Variants in CHD4 observed in about 807,000 individuals in gnomAD.
CHD4 encodes chromodomain helicase DNA binding protein 4.
In CHD4, 35 loss-of-function variants were observed where a neutral mutation model predicts 235.5. That is an observed-to-expected ratio of 0.15 (90% CI 0.11 to 0.20). The LOEUF (loss-of-function observed/expected upper bound fraction) is 0.20, where lower values mean the gene tolerates loss of function less well. Among genes scored for constraint, CHD4 ranks in the 10% least tolerant of loss-of-function variants. The pLI, the probability that CHD4 is intolerant of heterozygous loss-of-function variation, is 1.00. For synonymous variants in CHD4, 900 were observed against 850.2 expected (o/e 1.06, Z -1.02); for missense variants, 1,329 against 2,432.3 (o/e 0.55, Z 9.54).
chr12:6,598,366 T>C lies in CHD4; in HGVS notation c.1542A>G (p.Pro514=), dbSNP rs761855550. The stretch of plus-strand genomic sequence containing the variant: ...GAGGCCGAGGCACTGGTGTGGGAGA[T>C]GGTGGCTGACCCCACTTCCAGATTA... ...KILIWKWGQP[P]SPTPVPRPPD... Residue 514 remains proline, a synonymous_variant, in exon 11 of 40, where the codon CCA becomes CCG. Transcript: ENST00000544040. 2.5e-6 allele frequency: 4 copies of C among 1,613,814 alleles called. No homozygotes were observed. In the South Asian group the frequency reaches 3.3e-5, roughly 13 times the overall value.
intron 25 of CHD4, chr12:6,584,372 G>C (rs1467747099): frequency 6.6e-6 from 1 of 152,152 alleles, no homozygotes; most frequent in Non-Finnish European, 1.5e-5. Context: ...GGACAGGAGA[G>C]AAAAGAGATA....
intron 15 of CHD4, 63 bp downstream of exon 15, chr12:6,594,396 G>GT (rs775097214): frequency 4.1e-5 from 61 of 1,475,750 alleles, no homozygotes; most frequent in Middle Eastern, 1.8e-4. Context: ...TCTACTCAGT[G>GT]TAAGTTAAGG....
Position 6,581,313 on chromosome 12 carries a change from G to A in CHD4, c.4757C>T (p.Thr1586Ile). Reference protein sequence around the residue: ...SIEGEKEVKSTAPETAIECTQ... With the variant: ...SIEGEKEVKSIAPETAIECTQ... ...TACCTCAATGGCAGTCTCAGGGGCT[G>A]TAGATTTAACCTCCTTTTCTCCTTC... The change falls in exon 32 of 40, where the codon ACA becomes ATA. Residue 1586 changes from threonine to isoleucine, a missense_variant. Coordinates refer to ENST00000544040, the MANE Select transcript of CHD4 (RefSeq NM_001273.5). 6.2e-7 allele frequency: 1 copy of A among 1,614,176 alleles called. No individual in the cohort carries two copies. Among genetic ancestry groups the A allele is most frequent in the Non-Finnish European group, 8.5e-7 (1 of 1,180,020 alleles).
chr12:6,601,390 G>A lies in CHD4; in HGVS notation c.698C>T (p.Ala233Val), dbSNP rs1169134011. The A allele has an allele frequency of 2.5e-6, 4 of 1,614,128 alleles. No individual in the cohort carries two copies. The Admixed American group carries it at 5.0e-5, about 20-fold the overall frequency. Residue 233 changes from alanine to valine, a missense_variant, in exon 6 of 40, where the codon GCG becomes GTG. Ala to Val is a moderately conservative substitution (Grantham distance 64, BLOSUM62 0). Around this residue, in one of 26 missense-constraint regions of CHD4, gnomAD observed 160 missense variants for 196.6 expected, o/e 0.81. Transcript: ENST00000544040. The part of the protein sequence containing the change: ...GASVAAAAAA[A>V]VAVVESMVTA... ...CACCATGCTCTCCACCACAGCTACC[G>A]CTGCTGCTGCCGCAGCTGCCACTGA... is the stretch of plus-strand genomic sequence containing the variant.
chr12:6,581,492 TAAG>T, intron 31 of CHD4, 104 bp from the exon 32 acceptor site: 1 of 1,517,290 alleles, frequency 6.6e-7, no homozygotes, highest in Non-Finnish European at 9.2e-7. Context: ...CTCGTGCCTT[TAAG>T]AGCCAGCCCT....
chr12:6,588,528 A>G, intron 22 of CHD4, 106 bp from the exon 23 acceptor site: 2 of 1,285,100 alleles, frequency 1.6e-6, no homozygotes, highest in Non-Finnish European at 2.1e-6. Context: ...CTGTAATCTC[A>G]GCACTTTGGG....
chr12:6,581,185 A>G lies in CHD4; in HGVS notation c.4780-12T>C, dbSNP rs767926188. On this transcript the variant is annotated splice_polypyrimidine_tract_variant and intron_variant, in intron 32 of 39. Coordinates refer to ENST00000544040, the MANE Select transcript of CHD4 (RefSeq NM_001273.5). ...GGGGCCTGTGTACACTTCAAAGGAA[A>G]AAAAAACAAAAACAAAACAGATGAA... The G allele has an allele frequency of 1.8e-5, 29 of 1,610,456 alleles. No homozygotes were observed. The highest frequency in any genetic ancestry group is 2.5e-5 in the Non-Finnish European group (29 of 1,179,036).
At position 6,570,603 on chromosome 12, in the gene CHD4, A is replaced by AG. The variant is rs1947947392; in HGVS notation, c.*72dup. 2 of 1,590,776 alleles carry AG rather than the reference A, an allele frequency of 1.3e-6. No individual in the cohort carries two copies. The highest frequency in any genetic ancestry group is 2.2e-5 in the South Asian group (2 of 90,354). On this transcript the variant is annotated 3_prime_UTR_variant, in exon 40 of 40. Transcript: ENST00000544040. Reference sequence around the variant, plus strand: ...GAAGGTGAGGGTCTCTCAGGCCCCCAGGGGAGAAGCTGGGACAAGAGAAAG... The same window carrying AG: ...GAAGGTGAGGGTCTCTCAGGCCCCCAGGGGGAGAAGCTGGGACAAGAGAAAG...
rs1948565324 is a variant in CHD4, at chr12:6,600,204, G to A, written c.1242+13C>T. On this transcript the variant is annotated intron_variant, in intron 9 of 39. Transcript: ENST00000544040. ...TCATGGGTTCCAAGGGGCCACAATG[G>A]CCAGACACTCACGCAGTGTGGGCAG... 6.2e-7 allele frequency: 1 copy of A among 1,613,370 alleles called. No homozygotes were observed.
intron 25 of CHD4, chr12:6,583,875 C>CA (rs2136204447): frequency 6.6e-6 from 1 of 152,582 alleles, no homozygotes; most frequent in South Asian, 2.1e-4. Context: ...TCTTATGTCC[C>CA]AAAAACGTTG....
chr12:6,599,304 G>A (rs545190442), intron 10 of CHD4, among the ~76,000 whole-genome samples: 38 of 151,982 alleles, frequency 2.5e-4, no homozygotes, highest in Non-Finnish European at 5.0e-4. Flanking sequence ...GGATGTGGTG[G>A]CATGCACCAG....
chr12:6,571,255 T>C (rs1947963095), intron 38 of CHD4: 1 of 529,218 alleles, frequency 1.9e-6, no homozygotes, highest in Admixed American at 3.6e-5. Context: ...ACCTTCACTA[T>C]CCCTTACTAT....
intron 17 of CHD4, 51 bp from the exon 18 acceptor site, chr12:6,592,868 C>T: frequency 6.3e-7 from 1 of 1,577,488 alleles, no homozygotes; most frequent in Non-Finnish European, 8.6e-7. Context: ...AGAGCTCTAG[C>T]AAATCTCTAC....
chr12:6,601,617 C>T (rs770940592), intron 5 of CHD4, 31 bp downstream of exon 5: 2 of 1,613,210 alleles, frequency 1.2e-6, no homozygotes, highest in East Asian at 4.5e-5. Context: ...AAAGATTCTC[C>T]TCCCCCTTCC....
At chr12:6,606,104 AC>A (rs1948691100) in intron 2 of CHD4, among the ~76,000 whole-genome samples, 169 bp downstream of exon 2, 1 of 150,898 alleles carries the variant, frequency 6.6e-6, no homozygotes, top group African/African-American at 2.4e-5. Flanking sequence ...CATGGCTTCC[AC>A]CCCCCTCACA....
Position 6,571,038 on chromosome 12 carries a change from T to C in CHD4, c.5558-6A>G, listed in dbSNP as rs1306816250. 5 of 1,613,612 alleles carry C rather than the reference T, an allele frequency of 3.1e-6. No homozygotes were observed. Among genetic ancestry groups the C allele is most frequent in the Non-Finnish European group, 4.2e-6 (5 of 1,179,792 alleles). ...TTCTTCCAGCTGTTTCAGAACTGCA[T>C]AGGGAGAAAAAGAGGTGGTGAGCTG... On this transcript the variant is annotated splice_region_variant and splice_polypyrimidine_tract_variant and intron_variant, in intron 38 of 39. Coordinates refer to ENST00000544040, the MANE Select transcript of CHD4 (RefSeq NM_001273.5).
At chr12:6,577,275 A>G (rs1948086969) in intron 37 of CHD4, among the ~76,000 whole-genome samples, 1 of 150,982 alleles carries the variant, frequency 6.6e-6, no homozygotes. Context: ...CAAAAAAAAC[A>G]GCTGGGTGTG....
At chr12:6,577,436 A>C (rs1354846938) in intron 37 of CHD4, among the ~76,000 whole-genome samples, 1 of 150,796 alleles carries the variant, frequency 6.6e-6, no homozygotes, top group Non-Finnish European at 1.5e-5. Context: ...AAAAAAAAAA[A>C]AAACAACCAG....
At chr12:6,600,083 C>G (rs1000445608) in intron 9 of CHD4, 71 bp from the exon 10 acceptor site, 1 of 1,521,862 alleles carries the variant, frequency 6.6e-7, no homozygotes, top group African/African-American at 1.4e-5. Context: ...CAGTGCCCAT[C>G]ATTCCTTTGA....
Sources: allele counts gnomAD v4.1 joint callset (sites outside exome capture counted in the v4.1 genomes callset), GRCh38; gene constraint gnomAD v4.1.1; regional missense constraint gnomAD v4.1.1; transcripts MANE v1.5; gene names NCBI Gene and HGNC (gene_info 2026-07-23, HGNC 2026-07-21).